Variants in NALF1 observed in about 807,000 individuals in gnomAD.
NALF1 encodes family with sequence similarity 155 member A.
NALF1 carries 3 observed loss-of-function variants against 48.4 expected under a neutral mutation model. The ratio of observed to expected loss-of-function variants is 0.06; its 90% CI spans 0.03 to 0.16. The LOEUF (loss-of-function observed/expected upper bound fraction) is 0.16. NALF1 is among the 10% of genes least tolerant of loss of function. NALF1 has a pLI of 1.00. For missense variants in NALF1, 526 were observed against 571.5 expected (o/e 0.92, Z 0.81); for synonymous variants, 262 against 245.7 (o/e 1.07, Z -0.62).
At chr13:107,296,002 C>T (rs931850331) in intron 1 of NALF1, among the ~76,000 whole-genome samples, 1 of 152,158 alleles carries the variant, frequency 6.6e-6, no homozygotes, top group African/African-American at 2.4e-5. Flanking sequence ...TGCCAGAATA[C>T]ATTGTGAAAA....
At chr13:107,519,121 TG>T (rs11368080) in intron 1 of NALF1, among the ~76,000 whole-genome samples, 97,681 of 151,824 alleles carry the variant, frequency 0.64, 33,743 homozygotes, top group Middle Eastern at 0.8. Context: ...CACTAAGGAA[TG>T]ACTTGTGATA....
chr13:107,515,807 C>T (rs959443924), intron 1 of NALF1, among the ~76,000 whole-genome samples: 1 of 152,158 alleles, frequency 6.6e-6, no homozygotes, highest in African/African-American at 2.4e-5. Flanking sequence ...GGTGTACTCA[C>T]TGTTTTAGCA....
At chr13:107,753,442 G>GTTA (rs766947001) in intron 1 of NALF1, among the ~76,000 whole-genome samples, 24 of 150,342 alleles carry the variant, frequency 1.6e-4, no homozygotes, top group Non-Finnish European at 3.0e-4. Flanking sequence ...TGTTGTTGTT[G>GTTA]TTGTTGTACC....
At chr13:107,828,748 C>T (rs1316022573) in intron 1 of NALF1, among the ~76,000 whole-genome samples, 1 of 151,684 alleles carries the variant, frequency 6.6e-6, no homozygotes, top group Admixed American at 6.6e-5. Context: ...GCAAATAAAA[C>T]AATAATGGCT....
chr13:107,820,984 A>C (rs1879344898), intron 1 of NALF1, among the ~76,000 whole-genome samples: 1 of 152,154 alleles, frequency 6.6e-6, no homozygotes. Context: ...CTCCCTTAGA[A>C]TTTTATCCAA....
chr13:107,361,515 G>C (rs890302035), intron 1 of NALF1, among the ~76,000 whole-genome samples: 4 of 152,040 alleles, frequency 2.6e-5, no homozygotes, highest in African/African-American at 9.7e-5. Flanking sequence ...CCAGATTTAT[G>C]GATCTGGAAA....
chr13:107,491,919 A>AATT (rs142086000), intron 1 of NALF1, among the ~76,000 whole-genome samples: 206 of 151,472 alleles, frequency 1.4e-3, no homozygotes, highest in African/African-American at 4.2e-3. Flanking sequence ...ATATCATTCA[A>AATT]ATTATTATTA....
chr13:107,778,543 G>GTCT (rs1410568818), intron 1 of NALF1, among the ~76,000 whole-genome samples: 1 of 152,204 alleles, frequency 6.6e-6, no homozygotes, highest in East Asian at 1.9e-4. Flanking sequence ...ATGGCTGGCA[G>GTCT]TCTGTTGAAA....
Position 107,865,939 on chromosome 13 carries a change from C to T in NALF1, c.658G>A (p.Asp220Asn). ...GAATTACAAAACGAAAGGTAAAAAT[C>T]CGACAAGTTCCAGAGCGGAGTGGGA... ...KHPTPLWNLS[D>N]FYLSFCNSYT... Residue 220 changes from aspartate (D) to asparagine (N), a missense_variant, in exon 1 of 3, where the codon GAT (aspartate) becomes AAT (asparagine). Physicochemically the swap from Asp to Asn is conservative, Grantham distance 23 (BLOSUM62 1). Transcript: ENST00000375915. The T allele has an allele frequency of 6.2e-7, 1 of 1,614,016 alleles. No homozygotes were observed. Among genetic ancestry groups the T allele is most frequent in the Non-Finnish European group, 8.5e-7 (1 of 1,180,030 alleles).
At chr13:107,365,620 T>C (rs2138959346) in intron 1 of NALF1, among the ~76,000 whole-genome samples, 1 of 152,308 alleles carries the variant, frequency 6.6e-6, no homozygotes, top group Admixed American at 6.5e-5. Context: ...CAGGGAATGG[T>C]TACTGGGGAA....
rs534126691 is a variant in NALF1, at chr13:107,645,762, C to A, written c.915+219920G>T. On this transcript the variant is annotated intron_variant, in intron 1 of 2. Coordinates refer to ENST00000375915, the MANE Select transcript of NALF1 (RefSeq NM_001080396.3). ...TGGTTTCTTAGACTTCTGCCCTGAG[C>A]AGCTTAATCAGCAAATAACTGAAGG... 2.4e-4 allele frequency among the ~76,000 whole-genome samples: 36 copies of A among 151,782 alleles called. No individual in the cohort carries two copies. In the South Asian group the frequency reaches 2.5e-3, roughly 11 times the overall value.
chr13:107,666,412 T>C (rs1880859002), intron 1 of NALF1, among the ~76,000 whole-genome samples: 2 of 152,150 alleles, frequency 1.3e-5, no homozygotes, highest in African/African-American at 4.8e-5. Context: ...CCTGTGACAA[T>C]GCTTCAAAGA....
At chr13:107,464,981 A>G (rs1398137764) in intron 1 of NALF1, among the ~76,000 whole-genome samples, 1 of 151,572 alleles carries the variant, frequency 6.6e-6, no homozygotes, top group East Asian at 1.9e-4. Context: ...TTATTTATTC[A>G]TTTATTCATT....
intron 2 of NALF1, among the ~76,000 whole-genome samples, chr13:107,187,041 C>A (rs1879189405): frequency 6.6e-6 from 1 of 152,188 alleles, no homozygotes; most frequent in Non-Finnish European, 1.5e-5. Context: ...TCTTAAAATC[C>A]AGCAACTGTG....
chr13:107,272,092 A>C (rs552002440), intron 1 of NALF1, among the ~76,000 whole-genome samples: 1 of 151,904 alleles, frequency 6.6e-6, no homozygotes, highest in Non-Finnish European at 1.5e-5. Flanking sequence ...TGAATGTCTC[A>C]ATATCATATT....
intron 1 of NALF1, among the ~76,000 whole-genome samples, chr13:107,795,816 C>A (rs1878405733): frequency 6.6e-6 from 1 of 152,152 alleles, no homozygotes; most frequent in Non-Finnish European, 1.5e-5. Context: ...AGAAATTATT[C>A]TTCTCTAGTT....
chr13:107,831,914 A>G (rs1879744426), intron 1 of NALF1, among the ~76,000 whole-genome samples: 1 of 150,316 alleles, frequency 6.7e-6, no homozygotes, highest in Non-Finnish European at 1.5e-5. Context: ...TTGTAAAGAC[A>G]GTTAATTTTA....
intron 1 of NALF1, among the ~76,000 whole-genome samples, chr13:107,314,790 A>ACAGT (rs1356296251): frequency 6.6e-6 from 1 of 152,196 alleles, no homozygotes; most frequent in Non-Finnish European, 1.5e-5. Flanking sequence ...TCTTCAGTGC[A>ACAGT]TAGCACAATG....
chr13:107,468,198 C>T (rs1212340933), intron 1 of NALF1, among the ~76,000 whole-genome samples: 2 of 152,122 alleles, frequency 1.3e-5, no homozygotes, highest in African/African-American at 4.8e-5. Context: ...TTACAATTCA[C>T]AGAAGAAAAT....
Sources: allele counts gnomAD v4.1 joint callset (sites outside exome capture counted in the v4.1 genomes callset), GRCh38; gene constraint gnomAD v4.1.1; transcripts MANE v1.5; gene names NCBI Gene and HGNC (gene_info 2026-07-23, HGNC 2026-07-21).